TBC1D23: variants seen among roughly 807,000 people sequenced by gnomAD.
The protein encoded by TBC1D23 is HCV non-structural protein 4A-transactivated protein 1.
Under a neutral mutation model 91.4 loss-of-function variants are expected in TBC1D23, and 55 were observed. The observed-to-expected ratio is 0.60, with a 90% CI of 0.48 to 0.75. TBC1D23 has a LOEUF of 0.75. Among genes scored for constraint, TBC1D23 ranks in the 30% least tolerant of loss-of-function variants. TBC1D23 has a pLI of 0.00. For synonymous variants in TBC1D23, 289 were observed against 281.0 expected (o/e 1.03, Z -0.28); for missense variants, 725 against 836.1 (o/e 0.87, Z 1.64).
chr3:100,323,009 T>A (rs1392676039), intron 18 of TBC1D23, among the ~76,000 whole-genome samples: 15 of 152,220 alleles, frequency 9.9e-5, no homozygotes, highest in Non-Finnish European at 1.9e-4. Flanking sequence ...ATGGTGTTGA[T>A]ATTTTGCAAT....
chr3:100,308,096 A>G (rs910730825), intron 13 of TBC1D23, among the ~76,000 whole-genome samples: 2 of 152,268 alleles, frequency 1.3e-5, no homozygotes, highest in African/African-American at 4.8e-5. Flanking sequence ...CAAAGTACCA[A>G]AGAATTTTTA....
At chr3:100,320,315 C>T (rs1705829343) in intron 17 of TBC1D23, among the ~76,000 whole-genome samples, 1 of 152,108 alleles carries the variant, frequency 6.6e-6, no homozygotes, top group African/African-American at 2.4e-5. Context: ...ATACTATGCT[C>T]ATTTTGCCTT....
chr3:100,263,894 T>C (rs1308682378), intron 1 of TBC1D23, among the ~76,000 whole-genome samples: 1 of 152,204 alleles, frequency 6.6e-6, no homozygotes, highest in African/African-American at 2.4e-5. Context: ...AGAGACAGCA[T>C]TTTTTCTCTT....
chr3:100,263,630 A>C (rs1325477120), intron 1 of TBC1D23, among the ~76,000 whole-genome samples: 2 of 152,268 alleles, frequency 1.3e-5, no homozygotes, highest in Admixed American at 6.5e-5. Context: ...AAAGTTTTTA[A>C]CTAATTAAAT....
intron 16 of TBC1D23, 122 bp downstream of exon 16, chr3:100,316,309 A>T (rs765373238): frequency 2.2e-5 from 16 of 721,060 alleles, no homozygotes; most frequent in Non-Finnish European, 4.7e-6. Flanking sequence ...AAATAATTGG[A>T]GAATCTGTGG....
At chr3:100,261,622 T>G (rs1178470340) in intron 1 of TBC1D23, 1 of 152,480 alleles carries the variant, frequency 6.6e-6, no homozygotes. Context: ...TTCACGCAAG[T>G]CATCTTTTCC....
Position 100,311,869 on chromosome 3 carries a change from T to A in TBC1D23, c.1590T>A (p.Cys530Ter). 4 of 1,534,374 alleles carry A rather than the reference T, an allele frequency of 2.6e-6. No homozygotes were observed. Among genetic ancestry groups the A allele is most frequent in the Non-Finnish European group, 3.5e-6 (4 of 1,144,936 alleles). Residue 530 changes from cysteine to a stop codon, truncating the protein, a stop_gained, in exon 15 of 19, where the codon TGT (cysteine) becomes TGA (stop). Coordinates refer to ENST00000394144, the MANE Select transcript of TBC1D23 (RefSeq NM_001199198.3). LOFTEE classifies it high-confidence loss of function. ...ATCTTCCTTGGCCAGACAGATCATG[T>A]ACAGAGCGGTAAGCCAATGAGTAGA... ...SFNLPWPDRS[C>*]TERHVSSSDR...
intron 14 of TBC1D23, among the ~76,000 whole-genome samples, 184 bp downstream of exon 14, chr3:100,310,726 TTCTC>T (rs891055004): frequency 2.6e-5 from 4 of 152,236 alleles, no homozygotes; most frequent in African/African-American, 4.8e-5. Context: ...TCCATAATTA[TTCTC>T]TCTTACTACT....
rs140577012 is a variant in TBC1D23, at chr3:100,312,858, A to G, written c.1598+981A>G. Among the ~76,000 whole-genome samples the G allele has an allele frequency of 4.7e-3, 709 of 152,180 alleles. 2 individuals are homozygous for G. The highest frequency in any genetic ancestry group is 6.3e-3 in the Non-Finnish European group (431 of 67,990). ...TTTTAAGAATAATACTTCACTCTCT[A>G]AGACTATACTTTCAGCCGGGCGCAA... On this transcript the variant is annotated intron_variant, in intron 15 of 18. Coordinates refer to ENST00000394144, the MANE Select transcript of TBC1D23 (RefSeq NM_001199198.3).
chr3:100,323,508 A>T, intron 18 of TBC1D23, 79 bp from the exon 19 acceptor site: 1 of 711,864 alleles, frequency 1.4e-6, no homozygotes, highest in Non-Finnish European at 1.9e-6. Context: ...CTGAGTCTTG[A>T]AGGGAAAGCA....
chr3:100,298,519 A>G (rs1009552460), intron 9 of TBC1D23, among the ~76,000 whole-genome samples: 1 of 152,206 alleles, frequency 6.6e-6, no homozygotes, highest in Non-Finnish European at 1.5e-5. Context: ...TATGGTCTTT[A>G]TTACTAGTAG....
chr3:100,274,222 C>T (rs1046005311), intron 1 of TBC1D23, among the ~76,000 whole-genome samples: 1 of 152,116 alleles, frequency 6.6e-6, no homozygotes, highest in Non-Finnish European at 1.5e-5. Flanking sequence ...TGTAGCCAAG[C>T]ATTGCCCTGA....
In TBC1D23 at chr3:100,304,889, GT is replaced by G; in HGVS notation, c.1306+2del. Reference sequence around the variant, plus strand: ...AGTATTGCCAGTGGAGGATTTATGGGTAAGATTTTGATTTATTAGTTTTTTT... The same window carrying G: ...AGTATTGCCAGTGGAGGATTTATGGGAAGATTTTGATTTATTAGTTTTTTT... On this transcript the variant is annotated splice_donor_variant, in intron 12 of 18. Transcript: ENST00000394144. LOFTEE classifies it high-confidence loss of function. 6.8e-7 allele frequency: 1 copy of G among 1,466,314 alleles called. No homozygotes were observed. Among genetic ancestry groups the G allele is most frequent in the Non-Finnish European group, 9.5e-7 (1 of 1,048,214 alleles). 90.8% of individuals were successfully genotyped at this position (1,466,314 alleles called of 1,614,324 possible). A position where few individuals can be genotyped will look rare whatever the true frequency, so the allele number is the denominator to read the frequency against.
At chr3:100,263,832 TTG>T (rs2067534991) in intron 1 of TBC1D23, among the ~76,000 whole-genome samples, 1 of 152,170 alleles carries the variant, frequency 6.6e-6, no homozygotes, top group African/African-American at 2.4e-5. Context: ...GTTAGAGGGA[TTG>T]TGAGAATCTC....
chr3:100,288,233 G>C (rs1212150172), intron 4 of TBC1D23, among the ~76,000 whole-genome samples: 1 of 147,182 alleles, frequency 6.8e-6, no homozygotes, highest in African/African-American at 2.6e-5. Context: ...GCAACAGTGA[G>C]ACCCTGTCTA....
At chr3:100,288,259 A>T (rs2148857591) in intron 4 of TBC1D23, among the ~76,000 whole-genome samples, 1 of 151,650 alleles carries the variant, frequency 6.6e-6, no homozygotes, top group East Asian at 1.9e-4. Context: ...AAAAAAAATT[A>T]AAAAATTAAA....
At chr3:100,277,446 C>T (rs1409207155) in intron 1 of TBC1D23, among the ~76,000 whole-genome samples, 1 of 152,058 alleles carries the variant, frequency 6.6e-6, no homozygotes, top group Non-Finnish European at 1.5e-5. Context: ...TTTGTGGTTC[C>T]CTGGAGACAG....
intron 9 of TBC1D23, among the ~76,000 whole-genome samples, chr3:100,298,729 A>G (rs1409312069): frequency 6.6e-6 from 1 of 152,234 alleles, no homozygotes; most frequent in Non-Finnish European, 1.5e-5. Flanking sequence ...ATATTTAAAA[A>G]CAAATGAAAA....
chr3:100,310,296 T>G (rs1705603571), intron 13 of TBC1D23, 107 bp from the exon 14 acceptor site: 1 of 986,172 alleles, frequency 1.0e-6, no homozygotes, highest in African/African-American at 1.6e-5. Context: ...CTTCAACATA[T>G]GATTTTGGTG....
Sources: allele counts gnomAD v4.1 joint callset (sites outside exome capture counted in the v4.1 genomes callset), GRCh38; gene constraint gnomAD v4.1.1; transcripts MANE v1.5; gene names NCBI Gene and HGNC (gene_info 2026-07-23, HGNC 2026-07-21).